ALX4: variants seen among roughly 807,000 people sequenced by gnomAD.
The protein encoded by ALX4 is ALX homeobox 4.
In ALX4, 22 loss-of-function variants were observed where a neutral mutation model predicts 40.6. That is an observed-to-expected ratio of 0.54 (90% CI 0.39 to 0.77). The LOEUF is 0.77. ALX4 is among the 30% of genes least tolerant of loss of function. The pLI, the probability that ALX4 is intolerant of heterozygous loss-of-function variation, is 0.00. For missense variants in ALX4, 556 were observed against 564.8 expected, an observed-to-expected ratio of 0.98 and a Z score of 0.16; for synonymous variants, 266 against 240.5, an observed-to-expected ratio of 1.11 and a Z score of -0.98.
chr11:44,285,710 T>C (rs1365087307), intron 1 of ALX4, among the ~76,000 whole-genome samples: 2 of 152,004 alleles, frequency 1.3e-5, no homozygotes, highest in South Asian at 2.1e-4. Context: ...TTTTTAACTA[T>C]GGAACATTTT....
Position 44,291,657 on chromosome 11 carries a change from C to T in ALX4, c.467-15999G>A, listed in dbSNP as rs540112221. Among the ~76,000 whole-genome samples, 200 of 152,228 alleles carry T rather than the reference C, an allele frequency of 1.3e-3. 3 individuals are homozygous for T. The highest frequency in any genetic ancestry group is 1.2e-4 in the Non-Finnish European group (8 of 68,026). ...ATGAGCTCAAGCAATCCGCCCGCCTCAGCCTCCCGAAGTGCTAGGATTACA... is the reference window on the plus strand; with the variant it reads ...ATGAGCTCAAGCAATCCGCCCGCCTTAGCCTCCCGAAGTGCTAGGATTACA... On this transcript the variant is annotated intron_variant, in intron 1 of 3. Coordinates refer to ENST00000652299, the MANE Select transcript of ALX4 (RefSeq NM_021926.4).
chr11:44,271,887 C>A (rs1956249616), intron 2 of ALX4, among the ~76,000 whole-genome samples: 1 of 152,172 alleles, frequency 6.6e-6, no homozygotes, highest in South Asian at 2.1e-4. Context: ...TGCATGCAAC[C>A]CACATATGCA....
At chr11:44,299,517 CG>C (rs1956423205) in intron 1 of ALX4, among the ~76,000 whole-genome samples, 1 of 151,934 alleles carries the variant, frequency 6.6e-6, no homozygotes, top group African/African-American at 2.4e-5. Flanking sequence ...CCCGCCACCA[CG>C]CCCGGCTAAT....
At chr11:44,291,967 G>GGCTAATTACCA (rs1956372287) in intron 1 of ALX4, among the ~76,000 whole-genome samples, 1 of 151,998 alleles carries the variant, frequency 6.6e-6, no homozygotes, top group Non-Finnish European at 1.5e-5. Context: ...TACCAGCACT[G>GGCTAATTACCA]GTCACTGCAC....
intron 2 of ALX4, among the ~76,000 whole-genome samples, chr11:44,269,812 G>A (rs750780422): frequency 1.2e-4 from 19 of 152,224 alleles, no homozygotes; most frequent in Non-Finnish European, 2.4e-4. Context: ...ATGAATCAGA[G>A]GAGCTTGTTT....
At chr11:44,271,537 C>T (rs1956247501) in intron 2 of ALX4, among the ~76,000 whole-genome samples, 1 of 152,238 alleles carries the variant, frequency 6.6e-6, no homozygotes, top group Non-Finnish European at 1.5e-5. Flanking sequence ...TGCCAGGAAG[C>T]TCCAAGTTGA....
At chr11:44,287,249 A>C (rs1956344041) in intron 1 of ALX4, among the ~76,000 whole-genome samples, 1 of 152,206 alleles carries the variant, frequency 6.6e-6, no homozygotes, top group South Asian at 2.1e-4. Context: ...GGCTTCCCAG[A>C]GTCCAGGAAC....
Position 44,309,827 on chromosome 11 carries a change from C to T in ALX4, c.236G>A (p.Ser79Asn). 1 of 1,554,232 alleles carries T rather than the reference C, an allele frequency of 6.4e-7. No homozygotes were observed. Among genetic ancestry groups the T allele is most frequent in the Non-Finnish European group, 8.7e-7 (1 of 1,148,604 alleles). Residue 79 changes from serine (S) to asparagine (N), a missense_variant, in exon 1 of 4, where the codon AGT (serine) becomes AAT (asparagine). Ser to Asn is a conservative substitution (Grantham distance 46, BLOSUM62 1). Transcript: ENST00000652299. ...GQQDLATPLE[S>N]GAGARGSFNK... The stretch of plus-strand genomic sequence containing the variant: ...AAAGGAGCCCCGCGCCCCAGCTCCA[C>T]TCTCCAGGGGTGTCGCCAGGTCCTG...
chr11:44,301,881 G>T (rs997674499), intron 1 of ALX4, among the ~76,000 whole-genome samples: 4 of 152,246 alleles, frequency 2.6e-5, no homozygotes, highest in Admixed American at 2.0e-4. Context: ...ACACGGGACA[G>T]AGGGTATATT....
At chr11:44,282,085 G>A (rs1258092904) in intron 1 of ALX4, among the ~76,000 whole-genome samples, 1 of 152,232 alleles carries the variant, frequency 6.6e-6, no homozygotes, top group Non-Finnish European at 1.5e-5. Flanking sequence ...TAATCAATGT[G>A]TTCTGGGGGG....
intron 1 of ALX4, among the ~76,000 whole-genome samples, chr11:44,294,460 A>T (rs117383684): frequency 0.013 from 1,995 of 152,328 alleles, 13 homozygotes; most frequent in South Asian, 0.039. Flanking sequence ...GCAGGGAGAG[A>T]GTTATTCCCC....
intron 1 of ALX4, among the ~76,000 whole-genome samples, chr11:44,305,307 C>T (rs1956459760): frequency 6.6e-6 from 1 of 152,230 alleles, no homozygotes; most frequent in African/African-American, 2.4e-5. Context: ...TCCAGGCCCT[C>T]TGTTTTTCTA....
chr11:44,292,885 C>G (rs1452630552), intron 1 of ALX4, among the ~76,000 whole-genome samples: 2 of 151,940 alleles, frequency 1.3e-5, no homozygotes, highest in African/African-American at 4.8e-5. Context: ...TGCCTGAGCT[C>G]AGGAGTTTGA....
Position 44,265,079 on chromosome 11 carries a change from G to T in ALX4, c.1011C>A (p.His337Gln), listed in dbSNP as rs747334899. 7 of 1,612,998 alleles carry T rather than the reference G, an allele frequency of 4.3e-6. No homozygotes were observed. The highest frequency in any genetic ancestry group is 4.2e-6 in the Non-Finnish European group (5 of 1,179,920). The change falls in exon 4 of 4, where the codon CAC (histidine) becomes CAA (glutamine). Residue 337 changes from histidine (H) to glutamine (Q), a missense_variant. Physicochemically the swap from His to Gln is conservative, Grantham distance 24 (BLOSUM62 0). Coordinates refer to ENST00000652299, the MANE Select transcript of ALX4 (RefSeq NM_021926.4). The stretch of plus-strand genomic sequence containing the variant: ...CGCTGCTGGCCCCAGAGCCAGGGGG[G>T]TGGGCATGAGGGGACATGCAGGCAG... Reference protein sequence around the residue: ...PVPACMSPHAHPPGSGASSVT... With the variant: ...PVPACMSPHAQPPGSGASSVT...
intron 1 of ALX4, among the ~76,000 whole-genome samples, chr11:44,297,445 C>T (rs1376688299): frequency 1.3e-5 from 2 of 152,054 alleles, no homozygotes; most frequent in Non-Finnish European, 1.5e-5. Flanking sequence ...GGGCCAGGCG[C>T]GGTGGCTTAT....
intron 2 of ALX4, among the ~76,000 whole-genome samples, chr11:44,272,823 TAA>T (rs35424807): frequency 1.3e-5 from 2 of 149,174 alleles, no homozygotes; most frequent in Non-Finnish European, 1.5e-5. Context: ...AATAAAAAAA[TAA>T]AAAAAAAATG....
At chr11:44,290,172 C>T (rs760124926) in intron 1 of ALX4, among the ~76,000 whole-genome samples, 24 of 152,240 alleles carry the variant, frequency 1.6e-4, no homozygotes, top group Admixed American at 8.5e-4. Flanking sequence ...TTAATTCCCC[C>T]AAGCCTCTGT....
At chr11:44,296,378 C>G (rs1028657602) in intron 1 of ALX4, among the ~76,000 whole-genome samples, 2 of 152,156 alleles carry the variant, frequency 1.3e-5, no homozygotes, top group African/African-American at 4.8e-5. Flanking sequence ...CGAAAATCCT[C>G]CTGACACTGG....
intron 1 of ALX4, among the ~76,000 whole-genome samples, chr11:44,297,391 C>T (rs1956408737): frequency 1.3e-5 from 2 of 152,126 alleles, no homozygotes; most frequent in Non-Finnish European, 2.9e-5. Flanking sequence ...CCTCCAGTGG[C>T]TTCCCCAAAG....
Sources: gnomAD v4.1 joint callset for allele counts (sites outside exome capture counted in the v4.1 genomes callset) on GRCh38, gnomAD v4.1.1 for gene constraint, MANE v1.5 for transcripts, NCBI Gene and HGNC (gene_info 2026-07-23, HGNC 2026-07-21) for gene names.